Variants in CNTN5 observed in about 807,000 individuals in gnomAD.
The protein encoded by CNTN5 is contactin 5.
Under a neutral mutation model 129.1 loss-of-function variants are expected in CNTN5, and 77 were observed. That is an observed-to-expected ratio of 0.60 (90% CI 0.50 to 0.72). CNTN5 has a LOEUF of 0.72. Ranked by LOEUF, CNTN5 falls within the 30% of genes least tolerant of loss-of-function variation. The pLI is 0.00. For missense variants in CNTN5, 1,478 were observed against 1,328.8 expected, an observed-to-expected ratio of 1.11 and a Z score of -1.75; for synonymous variants, 509 against 465.6, an observed-to-expected ratio of 1.09 and a Z score of -1.20.
chr11:99,270,741 T>G (rs545542114), intron 1 of CNTN5, among the ~76,000 whole-genome samples: 4 of 152,144 alleles, frequency 2.6e-5, no homozygotes, highest in Non-Finnish European at 5.9e-5. Flanking sequence ...CTGTCATTCA[T>G]GTATTTGAGA....
At chr11:99,981,897 T>C (rs1364529091) in intron 8 of CNTN5, among the ~76,000 whole-genome samples, 1 of 152,186 alleles carries the variant, frequency 6.6e-6, no homozygotes, top group Non-Finnish European at 1.5e-5. Context: ...GAGATGAGGC[T>C]CTAGTTAACA....
At chr11:99,559,157 GA>G (rs940676694) in intron 3 of CNTN5, among the ~76,000 whole-genome samples, 1 of 151,880 alleles carries the variant, frequency 6.6e-6, no homozygotes, top group African/African-American at 2.4e-5. Context: ...AGCTGTATAT[GA>G]ATGTCACATT....
At chr11:99,746,737 T>A (rs1359546304) in intron 3 of CNTN5, among the ~76,000 whole-genome samples, 2 of 152,232 alleles carry the variant, frequency 1.3e-5, no homozygotes, top group Non-Finnish European at 2.9e-5. Flanking sequence ...GTGGAAAAAT[T>A]GTCTTCGACG....
At chr11:100,092,234 T>TGA (rs1944816614) in intron 13 of CNTN5, among the ~76,000 whole-genome samples, 1 of 152,150 alleles carries the variant, frequency 6.6e-6, no homozygotes, top group Non-Finnish European at 1.5e-5. Context: ...GTTTAAATTC[T>TGA]GATTATCTGG....
rs181687759 is a variant in CNTN5, at chr11:100,039,767, C to T, written c.981-21445C>T. ...TTCTTCCAGTTGATGGCATTGGCTA[C>T]TGAGGCTTCTGCATTCGTCACGTAG... is the stretch of plus-strand genomic sequence containing the variant. On this transcript the variant is annotated intron_variant, in intron 9 of 24. Transcript: ENST00000524871. Among the ~76,000 whole-genome samples, 1,304 of 152,306 alleles carry T rather than the reference C, an allele frequency of 8.6e-3. 7 individuals are homozygous for T. The highest frequency in any genetic ancestry group is 0.013 in the Non-Finnish European group (904 of 68,032).
intron 3 of CNTN5, among the ~76,000 whole-genome samples, chr11:99,713,789 T>C (rs1396464737): frequency 6.6e-6 from 1 of 151,994 alleles, no homozygotes; most frequent in Non-Finnish European, 1.5e-5. Flanking sequence ...ATTGATTTTT[T>C]CCCTTCATTT....
At chr11:99,529,075 CAAAA>C (rs982123698) in intron 2 of CNTN5, among the ~76,000 whole-genome samples, 3 of 150,920 alleles carry the variant, frequency 2.0e-5, no homozygotes, top group African/African-American at 7.3e-5. Context: ...AACTGAGTCT[CAAAA>C]AACAAACAAA....
chr11:99,971,896 C>T (rs937404205), intron 8 of CNTN5, among the ~76,000 whole-genome samples: 1 of 150,712 alleles, frequency 6.6e-6, no homozygotes, highest in East Asian at 1.9e-4. Flanking sequence ...CAGGCCAGCA[C>T]TCAATAATGT....
At chr11:99,103,589 G>A (rs1866845714) in intron 1 of CNTN5, among the ~76,000 whole-genome samples, 1 of 152,136 alleles carries the variant, frequency 6.6e-6, no homozygotes, top group Admixed American at 6.5e-5. Context: ...ATATCCCAGT[G>A]TAGTGAGTTG....
intron 13 of CNTN5, among the ~76,000 whole-genome samples, chr11:100,148,095 C>A (rs569642626): frequency 1.3e-5 from 2 of 152,238 alleles, no homozygotes; most frequent in East Asian, 3.9e-4. Flanking sequence ...CAGGCTCTAG[C>A]ATTTCTCTTT....
chr11:99,610,553 A>G (rs999506103), intron 3 of CNTN5, among the ~76,000 whole-genome samples: 1 of 152,178 alleles, frequency 6.6e-6, no homozygotes, highest in Non-Finnish European at 1.5e-5. Context: ...ACTTCATGAC[A>G]TGGGTCTCTG....
At chr11:99,755,239 C>G (rs1368028046) in intron 3 of CNTN5, among the ~76,000 whole-genome samples, 2 of 152,068 alleles carry the variant, frequency 1.3e-5, no homozygotes, top group Non-Finnish European at 2.9e-5. Context: ...TAGGTAAATA[C>G]CAAGGAGTGC....
rs564222218 is a variant in CNTN5, at chr11:99,060,467, T to C, written c.-210+39197T>C. ...AAAAACAATTACACTAAAGCTATCA[T>C]AGTTGAAAACATGGTCATATTCTCA... On this transcript the variant is annotated intron_variant, in intron 1 of 24. Coordinates refer to ENST00000524871, the MANE Select transcript of CNTN5 (RefSeq NM_014361.4). Among the ~76,000 whole-genome samples the C allele has an allele frequency of 1.7e-4, 26 of 152,236 alleles. No individual in the cohort carries two copies. The East Asian group carries it at 4.4e-3, about 26-fold the overall frequency.
chr11:99,306,895 T>C (rs1219197793), intron 1 of CNTN5, among the ~76,000 whole-genome samples: 1 of 152,072 alleles, frequency 6.6e-6, no homozygotes, highest in African/African-American at 2.4e-5. Context: ...TATTAAGAAG[T>C]CATAAACTCT....
intron 7 of CNTN5, among the ~76,000 whole-genome samples, chr11:99,927,068 A>G (rs1446311017): frequency 6.6e-6 from 1 of 152,192 alleles, no homozygotes; most frequent in African/African-American, 2.4e-5. Flanking sequence ...TTCTTTTCCT[A>G]AAAGGAGCTT....
chr11:99,973,473 C>T (rs1937716128), intron 8 of CNTN5, among the ~76,000 whole-genome samples: 1 of 152,088 alleles, frequency 6.6e-6, no homozygotes. Context: ...GCCTATTTTC[C>T]TATGGTTTTC....
chr11:99,401,279 G>C (rs1941793382), intron 2 of CNTN5, among the ~76,000 whole-genome samples: 1 of 152,122 alleles, frequency 6.6e-6, no homozygotes, highest in South Asian at 2.1e-4. Context: ...TAGGGATCTA[G>C]TTTCATTGTT....
At chr11:99,630,705 C>A (rs35982972) in intron 3 of CNTN5, among the ~76,000 whole-genome samples, 17,991 of 151,890 alleles carry the variant, frequency 0.12, 1,264 homozygotes, top group Non-Finnish European at 0.17. Flanking sequence ...CGGGGTATAC[C>A]CTTGGGCCTC....
chr11:99,034,955 T>C (rs1156813565), intron 1 of CNTN5, among the ~76,000 whole-genome samples: 611 of 137,846 alleles, frequency 4.4e-3, no homozygotes, highest in Middle Eastern at 7.1e-3. Flanking sequence ...GTCCCAGAGA[T>C]TCTGGTATGT....
Sources: gnomAD v4.1 joint callset for allele counts (sites outside exome capture counted in the v4.1 genomes callset) on GRCh38, gnomAD v4.1.1 for gene constraint, MANE v1.5 for transcripts, NCBI Gene and HGNC (gene_info 2026-07-23, HGNC 2026-07-21) for gene names.